ZNF385B: variants seen among roughly 807,000 people sequenced by gnomAD.
The protein encoded by ZNF385B is zinc finger protein 533.
ZNF385B carries 23 observed loss-of-function variants against 39.2 expected under a neutral mutation model. That is an observed-to-expected ratio of 0.59 (90% confidence interval 0.42 to 0.83). ZNF385B has a LOEUF of 0.83. ZNF385B is among the 40% of genes least tolerant of loss of function. The probability of loss-of-function intolerance (pLI) is 0.00; values close to 1 mark genes in which losing one functional copy is unlikely to be tolerated. For missense variants in ZNF385B, 552 were observed against 598.9 expected (o/e 0.92, Z 0.82); for synonymous variants, 205 against 222.6 (o/e 0.92, Z 0.70).
chr2:179,548,348 A>G (rs1308647426), intron 3 of ZNF385B, among the ~76,000 whole-genome samples: 7 of 149,636 alleles, frequency 4.7e-5, no homozygotes, highest in Admixed American at 2.7e-4. Flanking sequence ...ACTTTCATGT[A>G]GTATAGAAAA....
intron 6 of ZNF385B, among the ~76,000 whole-genome samples, chr2:179,449,657 G>A (rs369626696): frequency 3.9e-5 from 6 of 152,042 alleles, no homozygotes; most frequent in African/African-American, 1.2e-4. Context: ...AATCAATATC[G>A]TGAAAATGGC....
At chr2:179,642,265 GTC>G (rs1453717824) in intron 3 of ZNF385B, among the ~76,000 whole-genome samples, 1 of 152,098 alleles carries the variant, frequency 6.6e-6, no homozygotes, top group African/African-American at 2.4e-5. Flanking sequence ...GTAAATGGGA[GTC>G]TGTTTTGAAG....
intron 3 of ZNF385B, among the ~76,000 whole-genome samples, chr2:179,671,185 C>G (rs1695947654): frequency 6.6e-6 from 1 of 152,176 alleles, no homozygotes; most frequent in Non-Finnish European, 1.5e-5. Flanking sequence ...TAATGTTCCT[C>G]AACACAATAA....
chr2:179,713,207 C>T (rs895344095), intron 3 of ZNF385B, among the ~76,000 whole-genome samples: 21 of 152,178 alleles, frequency 1.4e-4, no homozygotes, highest in Admixed American at 1.0e-3. Flanking sequence ...TTTGGGGATG[C>T]AACCTCATCC....
chr2:179,558,207 C>A (rs534473906), intron 3 of ZNF385B, among the ~76,000 whole-genome samples: 3 of 152,266 alleles, frequency 2.0e-5, no homozygotes, highest in East Asian at 1.9e-4. Flanking sequence ...CTCTCCTCTG[C>A]AGTTCACACT....
intron 3 of ZNF385B, among the ~76,000 whole-genome samples, chr2:179,584,232 C>T (rs982582310): frequency 1.3e-5 from 2 of 152,010 alleles, no homozygotes; most frequent in Non-Finnish European, 2.9e-5. Flanking sequence ...TACTAGATGC[C>T]ACTAGCATCC....
chr2:179,542,311 A>T (rs2059968154), intron 4 of ZNF385B, among the ~76,000 whole-genome samples: 1 of 152,202 alleles, frequency 6.6e-6, no homozygotes, highest in East Asian at 1.9e-4. Flanking sequence ...AATATTTAAT[A>T]CACTACTAGA....
chr2:179,525,850 G>A lies in ZNF385B; in HGVS notation c.442-7212C>T, dbSNP rs572652300. ...ATTTCTCTAAAGTTACTTTAAAATGGGTTTTGTCTTTCATATTTAAAGACT... is the reference window on the plus strand; with the variant it reads ...ATTTCTCTAAAGTTACTTTAAAATGAGTTTTGTCTTTCATATTTAAAGACT... On this transcript the variant is annotated intron_variant, in intron 4 of 9. Coordinates refer to ENST00000410066, the MANE Select transcript of ZNF385B (RefSeq NM_152520.6). Among the ~76,000 whole-genome samples the A allele has an allele frequency of 3.4e-4, 51 of 152,030 alleles. No homozygotes were observed. In the South Asian group the frequency reaches 9.6e-3, roughly 29 times the overall value.
intron 3 of ZNF385B, among the ~76,000 whole-genome samples, chr2:179,726,061 G>T (rs552581991): frequency 6.6e-6 from 1 of 151,898 alleles, no homozygotes; most frequent in South Asian, 2.1e-4. Context: ...CCCTAAAGTG[G>T]TAGCTCCTAC....
chr2:179,662,701 C>G (rs972884282), intron 3 of ZNF385B, among the ~76,000 whole-genome samples: 1 of 152,108 alleles, frequency 6.6e-6, no homozygotes, highest in African/African-American at 2.4e-5. Context: ...GAATCCCCCC[C>G]AAAAGAATCA....
chr2:179,691,056 TCC>T (rs1253598268), intron 3 of ZNF385B, among the ~76,000 whole-genome samples: 1 of 152,196 alleles, frequency 6.6e-6, no homozygotes, highest in Non-Finnish European at 1.5e-5. Flanking sequence ...CTGTCATGTT[TCC>T]CTTTGGTGAA....
intron 3 of ZNF385B, among the ~76,000 whole-genome samples, chr2:179,696,859 A>T (rs1325156180): frequency 6.6e-6 from 1 of 152,172 alleles, no homozygotes; most frequent in Non-Finnish European, 1.5e-5. Flanking sequence ...AATATTCTCA[A>T]TGCTGGGACC....
intron 3 of ZNF385B, among the ~76,000 whole-genome samples, chr2:179,638,674 T>C (rs2106212388): frequency 6.6e-6 from 1 of 152,170 alleles, no homozygotes; most frequent in Admixed American, 6.5e-5. Context: ...AGCAAGCCAC[T>C]CCAGGAGCAA....
chr2:179,444,941 C>T lies in ZNF385B; in HGVS notation c.1177G>A (p.Gly393Arg), dbSNP rs760630158. 12 of 1,613,996 alleles carry T rather than the reference C, an allele frequency of 7.4e-6. No individual in the cohort carries two copies. The East Asian group carries it at 1.6e-4, about 21-fold the overall frequency. The change falls in exon 9 of 10, where the codon GGG (glycine) becomes AGG (arginine). Residue 393 changes from glycine to arginine, a missense_variant. By Grantham distance (125) the Gly-to-Arg change is moderately radical. Transcript: ENST00000410066. The stretch of plus-strand genomic sequence containing the variant: ...CTGTATTTTGGCTTCAGTGGTTTCC[C>T]TGCAACTCGATCTTTATGCCTTCGG... ...SSRRHKDRVA[G>R]KPLKPKYSPY...
chr2:179,740,525 T>A (rs1702026747), intron 3 of ZNF385B, among the ~76,000 whole-genome samples: 1 of 152,184 alleles, frequency 6.6e-6, no homozygotes, highest in South Asian at 2.1e-4. Flanking sequence ...GAACTTTAAC[T>A]TACCTTTCAG....
intron 5 of ZNF385B, among the ~76,000 whole-genome samples, chr2:179,498,461 C>CA (rs1347948196): frequency 1.3e-4 from 19 of 151,712 alleles, no homozygotes; most frequent in African/African-American, 1.5e-4. Context: ...CTTAAAACAT[C>CA]AAAAAAATGA....
At chr2:179,760,136 A>G (rs1371878209) in intron 3 of ZNF385B, among the ~76,000 whole-genome samples, 1 of 151,006 alleles carries the variant, frequency 6.6e-6, no homozygotes, top group South Asian at 2.1e-4. Flanking sequence ...TTAAAGCTAT[A>G]GAATAATAGT....
intron 1 of ZNF385B, among the ~76,000 whole-genome samples, chr2:179,783,745 A>G (rs558346205): frequency 6.6e-6 from 1 of 152,182 alleles, no homozygotes; most frequent in Non-Finnish European, 1.5e-5. Context: ...GTGACTGGTC[A>G]TTAGAGAAAT....
At chr2:179,811,745 T>A (rs573066819) in intron 1 of ZNF385B, among the ~76,000 whole-genome samples, 28 of 151,672 alleles carry the variant, frequency 1.8e-4, no homozygotes, top group African/African-American at 6.8e-4. Flanking sequence ...TGGGAAAAAA[T>A]TTATGACTAA....
Sources: allele counts gnomAD v4.1 joint callset (sites outside exome capture counted in the v4.1 genomes callset), GRCh38; gene constraint gnomAD v4.1.1; transcripts MANE v1.5; gene names NCBI Gene and HGNC (gene_info 2026-07-23, HGNC 2026-07-21).